The following KCND2 variants were observed in gnomAD, a reference collection of about 807,000 sequenced individuals.
The protein encoded by KCND2 is potassium voltage-gated channel subfamily D member 2.
A neutral mutation model predicts 54.4 loss-of-function variants in KCND2; 16 were observed. That is an observed-to-expected ratio of 0.29 (90% CI 0.20 to 0.45). The LOEUF is 0.45. Ranked by LOEUF, KCND2 falls within the 20% of genes least tolerant of loss-of-function variation. KCND2 has a pLI of 1.00. For synonymous variants in KCND2, 317 were observed against 310.7 expected (o/e 1.02, Z -0.21); for missense variants, 486 against 824.2 (o/e 0.59, Z 5.02).
chr7:120,284,373 C>A (rs531607886), intron 1 of KCND2, among the ~76,000 whole-genome samples: 30 of 152,052 alleles, frequency 2.0e-4, no homozygotes, highest in Non-Finnish European at 3.8e-4. Flanking sequence ...GGCTGTCTAA[C>A]CCTATACCAT....
chr7:120,523,912 T>G (rs1791735479), intron 1 of KCND2, among the ~76,000 whole-genome samples: 1 of 151,690 alleles, frequency 6.6e-6, no homozygotes, highest in South Asian at 2.1e-4. Flanking sequence ...TTTTCACATA[T>G]AAAAATTAGA....
At chr7:120,391,114 G>C (rs118147398) in intron 1 of KCND2, among the ~76,000 whole-genome samples, 15,551 of 152,082 alleles carry the variant, frequency 0.1, 833 homozygotes, top group Admixed American at 0.13. Context: ...TCCCCTCCCT[G>C]TGTACATGTG....
At chr7:120,412,098 T>C (rs551665027) in intron 1 of KCND2, among the ~76,000 whole-genome samples, 1 of 152,188 alleles carries the variant, frequency 6.6e-6, no homozygotes, top group South Asian at 2.1e-4. Context: ...AAAAGAAGGC[T>C]TCCCTAGCAT....
intron 1 of KCND2, among the ~76,000 whole-genome samples, chr7:120,386,983 T>C (rs1283374515): frequency 1.3e-5 from 2 of 152,136 alleles, no homozygotes; most frequent in Non-Finnish European, 1.5e-5. Flanking sequence ...ATTAACTAAA[T>C]CATCATGAGC....
At chr7:120,446,688 C>T (rs567809042) in intron 1 of KCND2, among the ~76,000 whole-genome samples, 2 of 152,236 alleles carry the variant, frequency 1.3e-5, no homozygotes, top group South Asian at 4.1e-4. Context: ...GTGCATATTT[C>T]CCCTATACTC....
intron 1 of KCND2, among the ~76,000 whole-genome samples, chr7:120,315,420 T>TTAGGGTA (rs1284367021): frequency 2.6e-5 from 4 of 152,280 alleles, no homozygotes; most frequent in African/African-American, 9.6e-5. Context: ...AAGGGTATCT[T>TTAGGGTA]TAGGGTAACA....
chr7:120,360,069 T>C (rs955149064), intron 1 of KCND2, among the ~76,000 whole-genome samples: 18 of 152,132 alleles, frequency 1.2e-4, no homozygotes, highest in African/African-American at 2.9e-4. Context: ...AAGATCTAAG[T>C]GTGAAAATTA....
chr7:120,512,161 A>C (rs924796082), intron 1 of KCND2, among the ~76,000 whole-genome samples: 5 of 152,106 alleles, frequency 3.3e-5, no homozygotes, highest in African/African-American at 1.2e-4. Context: ...ACCAACCTTC[A>C]AAAGAATTAA....
intron 1 of KCND2, among the ~76,000 whole-genome samples, chr7:120,679,845 C>A (rs1548599): frequency 0.034 from 5,195 of 152,066 alleles, 204 homozygotes; most frequent in African/African-American, 0.1. Flanking sequence ...AAAAGGGGTT[C>A]TTTAATTTAT....
chr7:120,636,042 A>G (rs1793300909), intron 1 of KCND2, among the ~76,000 whole-genome samples: 2 of 152,166 alleles, frequency 1.3e-5, no homozygotes, highest in Admixed American at 1.3e-4. Flanking sequence ...TCCAGAAATT[A>G]CTATCTTCTG....
intron 1 of KCND2, among the ~76,000 whole-genome samples, chr7:120,570,098 A>G (rs141139859): frequency 1.3e-5 from 2 of 152,340 alleles, no homozygotes; most frequent in African/African-American, 2.4e-5. Context: ...AACATTGTGT[A>G]AATAACTTCT....
intron 1 of KCND2, among the ~76,000 whole-genome samples, chr7:120,443,401 C>T (rs113833716): frequency 0.023 from 3,423 of 150,252 alleles, 139 homozygotes; most frequent in African/African-American, 0.079. Context: ...AATTGCTTTA[C>T]GAGGGATAAA....
At chr7:120,363,612 C>G (rs917984652) in intron 1 of KCND2, among the ~76,000 whole-genome samples, 1 of 152,080 alleles carries the variant, frequency 6.6e-6, no homozygotes, top group East Asian at 1.9e-4. Context: ...AGTTGCCTAA[C>G]TTGTGTCTCT....
chr7:120,551,885 T>C (rs1792109102), intron 1 of KCND2, among the ~76,000 whole-genome samples: 1 of 152,190 alleles, frequency 6.6e-6, no homozygotes, highest in African/African-American at 2.4e-5. Flanking sequence ...TTGCCTCTAG[T>C]AGCCTCTGGA....
rs1330660380 is a variant in KCND2 at position 120,511,022 on chromosome 7, TCTCA to T, written c.1116-221879_1116-221876del. Among the ~76,000 whole-genome samples, 17 of 140,100 alleles carry T rather than the reference TCTCA, an allele frequency of 1.2e-4. No individual in the cohort carries two copies. The East Asian group carries it at 1.6e-3, about 13-fold the overall frequency. 91.9% of individuals were successfully genotyped at this position (140,100 alleles called of 152,430 possible). On this transcript the variant is annotated intron_variant, in intron 1 of 5. Transcript: ENST00000331113. ...TTCCCCATCTCTCTCTCTCTCTCTC[TCTCA>T]CACACACACACACACACACACACAC...
chr7:120,355,424 G>A (rs1163864250), intron 1 of KCND2, among the ~76,000 whole-genome samples: 1 of 152,072 alleles, frequency 6.6e-6, no homozygotes, highest in South Asian at 2.1e-4. Flanking sequence ...GTGTGTGCCT[G>A]TAGTCTCAGC....
intron 1 of KCND2, among the ~76,000 whole-genome samples, chr7:120,628,712 A>G (rs751826077): frequency 1.3e-5 from 2 of 152,200 alleles, no homozygotes; most frequent in African/African-American, 2.4e-5. Flanking sequence ...TCTAGAGGCT[A>G]TTGAAGGATC....
chr7:120,712,582 G>T (rs1343363142), intron 1 of KCND2, among the ~76,000 whole-genome samples: 1 of 151,860 alleles, frequency 6.6e-6, no homozygotes, highest in African/African-American at 2.4e-5. Flanking sequence ...TTTTGATTTA[G>T]TTTTGTAGTG....
intron 1 of KCND2, among the ~76,000 whole-genome samples, chr7:120,558,995 G>C (rs1298299381): frequency 6.8e-6 from 1 of 146,072 alleles, no homozygotes; most frequent in African/African-American, 2.7e-5. Context: ...ACAAAGTACT[G>C]TGTGTGTGTG....
Sources: allele counts gnomAD v4.1 joint callset (sites outside exome capture counted in the v4.1 genomes callset), GRCh38; gene constraint gnomAD v4.1.1; transcripts MANE v1.5; gene names NCBI Gene and HGNC (gene_info 2026-07-23, HGNC 2026-07-21).